The following ERBB4 variants were observed in gnomAD, a reference collection of about 807,000 sequenced individuals.
ERBB4 encodes the protein receptor tyrosine-protein kinase erbB-4.
ERBB4 carries 42 observed loss-of-function variants against 158.0 expected under a neutral mutation model. The observed-to-expected ratio is 0.27, with a 90% CI of 0.21 to 0.34. ERBB4 has a LOEUF of 0.34. Ranked by LOEUF, ERBB4 falls within the 10% of genes least tolerant of loss-of-function variation. The pLI, the probability that ERBB4 is intolerant of heterozygous loss-of-function variation, is 1.00. For synonymous variants in ERBB4, 583 were observed against 558.7 expected (o/e 1.04, Z -0.61); for missense variants, 1,333 against 1,624.1 (o/e 0.82, Z 3.08).
chr2:211,510,535 G>A (rs2065860797), intron 20 of ERBB4, among the ~76,000 whole-genome samples: 1 of 152,002 alleles, frequency 6.6e-6, no homozygotes, highest in South Asian at 2.1e-4. Flanking sequence ...CTACTAAAAT[G>A]TTGCACTAAA....
At chr2:212,259,639 G>C (rs1417615841) in intron 1 of ERBB4, among the ~76,000 whole-genome samples, 1 of 151,962 alleles carries the variant, frequency 6.6e-6, no homozygotes, top group Non-Finnish European at 1.5e-5. Context: ...CAAAAATAAA[G>C]GCAACGAATA....
intron 2 of ERBB4, among the ~76,000 whole-genome samples, chr2:211,994,785 A>G (rs931794342): frequency 6.6e-6 from 1 of 152,228 alleles, no homozygotes; most frequent in Non-Finnish European, 1.5e-5. Flanking sequence ...AAAAGAATTT[A>G]CCTGAGAGAG....
At chr2:212,234,088 C>G (rs2083764390) in intron 1 of ERBB4, among the ~76,000 whole-genome samples, 2 of 151,742 alleles carry the variant, frequency 1.3e-5, no homozygotes, top group South Asian at 4.1e-4. Context: ...ACTCATCAAC[C>G]CATCACCTAC....
At chr2:211,612,931 A>G (rs965859744) in intron 19 of ERBB4, among the ~76,000 whole-genome samples, 5 of 152,010 alleles carry the variant, frequency 3.3e-5, no homozygotes, top group African/African-American at 4.8e-5. Context: ...ATAAATTTCA[A>G]ATTTCTGGTA....
At chr2:211,509,528 T>A (rs2065837643) in intron 20 of ERBB4, among the ~76,000 whole-genome samples, 1 of 151,992 alleles carries the variant, frequency 6.6e-6, no homozygotes, top group Non-Finnish European at 1.5e-5. Context: ...ATTCTGGATA[T>A]CAGCCTTGGC....
chr2:212,059,790 T>G (rs2077702793), intron 2 of ERBB4, among the ~76,000 whole-genome samples: 1 of 152,132 alleles, frequency 6.6e-6, no homozygotes, highest in South Asian at 2.1e-4. Flanking sequence ...CAAAAATTAA[T>G]TCGAGATGGA....
At chr2:211,695,716 T>C (rs2072991895) in intron 12 of ERBB4, among the ~76,000 whole-genome samples, 2 of 152,126 alleles carry the variant, frequency 1.3e-5, no homozygotes, top group African/African-American at 4.8e-5. Context: ...TTCACCACTT[T>C]AATAAGGTAA....
chr2:211,932,025 C>T (rs1041998729), intron 3 of ERBB4, among the ~76,000 whole-genome samples: 4 of 151,964 alleles, frequency 2.6e-5, no homozygotes, highest in African/African-American at 9.7e-5. Flanking sequence ...TGTTGCAGTG[C>T]GAGTATTAAG....
At chr2:211,956,306 T>A (rs1362421002) in intron 2 of ERBB4, among the ~76,000 whole-genome samples, 1 of 152,090 alleles carries the variant, frequency 6.6e-6, no homozygotes, top group Non-Finnish European at 1.5e-5. Context: ...TTTGTTTAGA[T>A]ATAGATAGAG....
At chr2:211,805,574 T>C (rs75178408) in intron 3 of ERBB4, among the ~76,000 whole-genome samples, 6,830 of 152,328 alleles carry the variant, frequency 0.045, 235 homozygotes, top group Non-Finnish European at 0.068. Context: ...CGCCAAACCA[T>C]GTCATCTCTT....
At chr2:211,476,753 A>G (rs2064963904) in intron 20 of ERBB4, among the ~76,000 whole-genome samples, 1 of 152,110 alleles carries the variant, frequency 6.6e-6, no homozygotes, top group African/African-American at 2.4e-5. Flanking sequence ...AAACAAAAGA[A>G]AAACCTGAAT....
chr2:211,660,517 T>C (rs1189804062), intron 15 of ERBB4, among the ~76,000 whole-genome samples: 1 of 152,116 alleles, frequency 6.6e-6, no homozygotes, highest in East Asian at 1.9e-4. Flanking sequence ...AAGATGAATA[T>C]GTTTCTTCCT....
At chr2:212,043,803 T>C (rs1262602492) in intron 2 of ERBB4, among the ~76,000 whole-genome samples, 2 of 152,090 alleles carry the variant, frequency 1.3e-5, no homozygotes. Context: ...CTAAGTCTAT[T>C]TGCAGCCATA....
At chr2:211,717,642 A>G (rs1450682803) in intron 7 of ERBB4, among the ~76,000 whole-genome samples, 1 of 151,926 alleles carries the variant, frequency 6.6e-6, no homozygotes, top group African/African-American at 2.4e-5. Flanking sequence ...CAGCCTGGCC[A>G]ACATGGTGAA....
chr2:212,464,926 A>C (rs867938018), intron 1 of ERBB4, among the ~76,000 whole-genome samples: 9 of 144,608 alleles, frequency 6.2e-5, no homozygotes, highest in Admixed American at 1.4e-4. Context: ...ACACACACAC[A>C]CCCCTTAGAA....
At chr2:212,144,316 T>A (rs2125612608) in intron 1 of ERBB4, among the ~76,000 whole-genome samples, 1 of 152,340 alleles carries the variant, frequency 6.6e-6, no homozygotes, top group South Asian at 2.1e-4. Context: ...AACTGGTATT[T>A]AAGATTTTCC....
At position 212,132,280 on chromosome 2, in the gene ERBB4, G is replaced by A. The variant is rs141971060; in HGVS notation, c.83-7377C>T. On this transcript the variant is annotated intron_variant, in intron 1 of 27. Coordinates refer to ENST00000342788, the MANE Select transcript of ERBB4 (RefSeq NM_005235.3). ...AATTGGAGATTAAGTACAGATTAAG[G>A]AGATGCATATGGGTGCTATGCTGAC... is the stretch of plus-strand genomic sequence containing the variant. 9.3e-4 allele frequency among the ~76,000 whole-genome samples: 141 copies of A among 152,236 alleles called. 1 individual carries two copies. The highest frequency in any genetic ancestry group is 1.3e-3 in the Non-Finnish European group (87 of 68,012).
intron 1 of ERBB4, among the ~76,000 whole-genome samples, chr2:212,430,860 G>A (rs576805800): frequency 1.3e-5 from 2 of 152,094 alleles, no homozygotes; most frequent in African/African-American, 4.8e-5. Context: ...GAGAGTGAGA[G>A]GGAGAGACAG....
At chr2:211,446,284 T>G (rs753558324) in intron 20 of ERBB4, among the ~76,000 whole-genome samples, 1 of 152,124 alleles carries the variant, frequency 6.6e-6, no homozygotes, top group Non-Finnish European at 1.5e-5. Context: ...AAACCATAAC[T>G]TTGTAATTGC....
Sources: allele counts gnomAD v4.1 joint callset (sites outside exome capture counted in the v4.1 genomes callset), GRCh38; gene constraint gnomAD v4.1.1; transcripts MANE v1.5; gene names NCBI Gene and HGNC (gene_info 2026-07-23, HGNC 2026-07-21).